Variants in PTPRD observed in about 807,000 individuals in gnomAD.
The protein encoded by PTPRD is receptor-type tyrosine-protein phosphatase delta.
In PTPRD, 34 loss-of-function variants were observed where a neutral mutation model predicts 214.5. That is an observed-to-expected ratio of 0.16 (90% CI 0.12 to 0.21). PTPRD has a LOEUF of 0.21. Ranked by LOEUF, PTPRD falls within the 10% of genes least tolerant of loss-of-function variation. The pLI is 1.00. For synonymous variants in PTPRD, 1,128 were observed against 845.7 expected, an observed-to-expected ratio of 1.33 and a Z score of -5.79; for missense variants, 2,545 against 2,398.7, an observed-to-expected ratio of 1.06 and a Z score of -1.27.
intron 36 of PTPRD, among the ~76,000 whole-genome samples, chr9:8,393,539 C>T (rs1384311738): frequency 6.6e-6 from 1 of 151,962 alleles, no homozygotes; most frequent in Non-Finnish European, 1.5e-5. Flanking sequence ...ACACATTGGC[C>T]CTGCTGCAGG....
chr9:8,823,511 G>C (rs1566373287), intron 11 of PTPRD, among the ~76,000 whole-genome samples: 1 of 152,226 alleles, frequency 6.6e-6, no homozygotes, highest in East Asian at 1.9e-4. Flanking sequence ...GCTGGGTGTG[G>C]TGGTGGCGCG....
chr9:8,504,315 G>T lies in PTPRD; in HGVS notation c.1768C>A (p.Pro590Thr), dbSNP rs774444064. Residue 590 changes from proline to threonine, a missense_variant, in exon 23 of 46, where the codon CCT becomes ACT. By Grantham distance (38) the Pro-to-Thr change is conservative (BLOSUM62 -1). Transcript: ENST00000381196. ...GCAGTAGAAGCACCCAGGCCTTGAG[G>T]GGAGCGTGCAGCCAGACGGAAATAG... Reference protein sequence around the residue: ...LYYFRLAARSPQGLGASTAEI... With the variant: ...LYYFRLAARSTQGLGASTAEI... The T allele has an allele frequency of 6.2e-7, 1 of 1,614,172 alleles. No homozygotes were observed. Among genetic ancestry groups the T allele is most frequent in the South Asian group, 1.1e-5 (1 of 91,086 alleles).
At chr9:8,560,468 CACACATATAT>C (rs997617745) in intron 14 of PTPRD, among the ~76,000 whole-genome samples, 9 of 138,880 alleles carry the variant, frequency 6.5e-5, no homozygotes, top group African/African-American at 2.5e-4. Context: ...CACACACACA[CACACATATAT>C]ACACTGTTTC....
At chr9:10,437,320 T>C (rs867988205) in intron 2 of PTPRD, among the ~76,000 whole-genome samples, 10 of 151,860 alleles carry the variant, frequency 6.6e-5, no homozygotes, top group African/African-American at 2.4e-4. Context: ...ATTGCACAAA[T>C]ACATATATTC....
chr9:9,562,175 C>A (rs995836667), intron 8 of PTPRD, among the ~76,000 whole-genome samples: 21 of 152,082 alleles, frequency 1.4e-4, no homozygotes, highest in African/African-American at 5.1e-4. Flanking sequence ...TAAAAGGCAG[C>A]TCCACAGTTA....
chr9:10,230,065 G>A lies in PTPRD; in HGVS notation c.-545+110898C>T, dbSNP rs544894130. Among the ~76,000 whole-genome samples the A allele has an allele frequency of 2.6e-5, 4 of 152,024 alleles. No homozygotes were observed. In the South Asian group the frequency reaches 8.3e-4, roughly 32 times the overall value. ...TATTAATACCTTTCATGTATAAGCT[G>A]GTGCATTAGTCAGAGACCTCATGGA... On this transcript the variant is annotated intron_variant, in intron 3 of 45. Coordinates refer to ENST00000381196, the MANE Select transcript of PTPRD (RefSeq NM_002839.4).
chr9:9,346,327 T>C (rs949346457), intron 9 of PTPRD, among the ~76,000 whole-genome samples: 3 of 152,160 alleles, frequency 2.0e-5, no homozygotes, highest in African/African-American at 7.2e-5. Context: ...TCAATATTCA[T>C]GTGACTCACA....
chr9:9,781,739 T>C (rs1440718712), intron 5 of PTPRD, among the ~76,000 whole-genome samples: 2 of 152,196 alleles, frequency 1.3e-5, no homozygotes, highest in Non-Finnish European at 2.9e-5. Flanking sequence ...ACAATCCGAT[T>C]TGCTAAGTCC....
chr9:10,260,519 T>C (rs1249069008), intron 3 of PTPRD, among the ~76,000 whole-genome samples: 1 of 152,146 alleles, frequency 6.6e-6, no homozygotes, highest in Non-Finnish European at 1.5e-5. Flanking sequence ...AACCTCAGCA[T>C]TTCTGAATAG....
intron 12 of PTPRD, among the ~76,000 whole-genome samples, chr9:8,696,476 T>G (rs1413713485): frequency 6.6e-6 from 1 of 152,094 alleles, no homozygotes; most frequent in Non-Finnish European, 1.5e-5. Flanking sequence ...CACTGAGCAA[T>G]CCAGATGGGA....
intron 2 of PTPRD, among the ~76,000 whole-genome samples, chr9:10,600,398 A>G (rs908822685): frequency 1.4e-4 from 21 of 151,776 alleles, no homozygotes; most frequent in African/African-American, 5.1e-4. Context: ...CAAGCCCAGA[A>G]AGTACACCCA....
intron 11 of PTPRD, among the ~76,000 whole-genome samples, chr9:8,800,655 T>C (rs1169442465): frequency 6.6e-6 from 1 of 152,160 alleles, no homozygotes; most frequent in Admixed American, 6.5e-5. Flanking sequence ...CATCAAGAAA[T>C]AACCATAAAA....
At chr9:10,116,535 T>C (rs1471700838) in intron 3 of PTPRD, among the ~76,000 whole-genome samples, 1 of 152,172 alleles carries the variant, frequency 6.6e-6, no homozygotes, top group Non-Finnish European at 1.5e-5. Context: ...GTTAGGTTTT[T>C]TAGTGAAACA....
intron 36 of PTPRD, among the ~76,000 whole-genome samples, chr9:8,396,988 A>C (rs1181044854): frequency 1.3e-5 from 2 of 152,188 alleles, no homozygotes; most frequent in African/African-American, 4.8e-5. Flanking sequence ...TCACAGTTGC[A>C]AACGATTAAC....
At chr9:8,503,056 G>A (rs2097448976) in intron 23 of PTPRD, among the ~76,000 whole-genome samples, 1 of 151,852 alleles carries the variant, frequency 6.6e-6, no homozygotes, top group Non-Finnish European at 1.5e-5. Context: ...GCCTTTAAAT[G>A]AAAGAAAATT....
chr9:9,572,439 T>C (rs2086734886), intron 8 of PTPRD, among the ~76,000 whole-genome samples: 1 of 151,108 alleles, frequency 6.6e-6, no homozygotes, highest in South Asian at 2.1e-4. Flanking sequence ...AAAAGGACAA[T>C]GTAATCTGTG....
At chr9:9,665,759 A>C (rs2096709790) in intron 7 of PTPRD, among the ~76,000 whole-genome samples, 1 of 151,894 alleles carries the variant, frequency 6.6e-6, no homozygotes, top group Non-Finnish European at 1.5e-5. Context: ...AGTCTTCAAA[A>C]TGAGATTGAT....
At chr9:9,559,373 T>A (rs1282850271) in intron 8 of PTPRD, among the ~76,000 whole-genome samples, 3 of 152,178 alleles carry the variant, frequency 2.0e-5, no homozygotes, top group Admixed American at 6.5e-5. Flanking sequence ...GGCACTTAGC[T>A]CCCTCCCGCA....
chr9:10,009,889 C>A (rs1567065524), intron 4 of PTPRD, among the ~76,000 whole-genome samples: 1 of 151,812 alleles, frequency 6.6e-6, no homozygotes, highest in Non-Finnish European at 1.5e-5. Flanking sequence ...AGTCTTAAGA[C>A]CTCTGTTTTA....
Sources: gnomAD v4.1 joint callset for allele counts (sites outside exome capture counted in the v4.1 genomes callset) on GRCh38, gnomAD v4.1.1 for gene constraint, MANE v1.5 for transcripts, NCBI Gene and HGNC (gene_info 2026-07-23, HGNC 2026-07-21) for gene names.